FRMPD2: variants seen among roughly 807,000 people sequenced by gnomAD.
FRMPD2 encodes the protein FERM and PDZ domain containing 2, also known as FERM and PDZ domain-containing protein 2.
Under a neutral mutation model 140.1 loss-of-function variants are expected in FRMPD2, and 96 were observed. The observed-to-expected ratio is 0.69, with a 90% CI of 0.58 to 0.81. FRMPD2 has a LOEUF of 0.81. FRMPD2 is among the 40% of genes least tolerant of loss of function. FRMPD2 has a pLI of 0.00. For missense variants in FRMPD2, 1,240 were observed against 1,447.4 expected, an observed-to-expected ratio of 0.86 and a Z score of 2.32; for synonymous variants, 449 against 547.6, an observed-to-expected ratio of 0.82 and a Z score of 2.52.
chr10:48,208,732 C>T (rs1564425764), intron 13 of FRMPD2, among the ~76,000 whole-genome samples: 2 of 152,122 alleles, frequency 1.3e-5, no homozygotes, highest in African/African-American at 4.8e-5. Context: ...CTCCTGGCCC[C>T]CTTTGCATTG....
intron 14 of FRMPD2, among the ~76,000 whole-genome samples, chr10:48,203,864 C>T (rs116738749): frequency 1.3e-5 from 2 of 152,308 alleles, no homozygotes; most frequent in Non-Finnish European, 2.9e-5. Flanking sequence ...CTCAGACACA[C>T]CCTCCTTGCC....
At position 48,213,643 on chromosome 10, in the gene FRMPD2, T is replaced by TA. The variant is rs562654154; in HGVS notation, c.1456-1535dup. Among the ~76,000 whole-genome samples the TA allele has an allele frequency of 4.2e-3, 625 of 148,568 alleles. 1 individual carries two copies. Among genetic ancestry groups the TA allele is most frequent in the African/African-American group, 9.9e-3 (404 of 40,648 alleles). ...CAGACAATGAAATATTGTCCAGTGC[T>TA]AAAAAAAAAATGAGCTGTCAAGCCT... is the stretch of plus-strand genomic sequence containing the variant. On this transcript the variant is annotated intron_variant, in intron 12 of 28. Coordinates refer to ENST00000374201, the MANE Select transcript of FRMPD2 (RefSeq NM_001018071.4).
intron 1 of FRMPD2, among the ~76,000 whole-genome samples, chr10:48,256,848 T>C (rs984384513): frequency 6.6e-6 from 1 of 152,212 alleles, no homozygotes; most frequent in Admixed American, 6.5e-5. Flanking sequence ...CTCCCTCTCA[T>C]GGTCCCTGAA....
Position 48,206,733 on chromosome 10 carries a change from C to A in FRMPD2, c.1797+15G>T. 3 of 1,605,586 alleles carry A rather than the reference C, an allele frequency of 1.9e-6. No homozygotes were observed. Among genetic ancestry groups the A allele is most frequent in the Non-Finnish European group, 2.6e-6 (3 of 1,172,856 alleles). On this transcript the variant is annotated intron_variant, in intron 14 of 28. Transcript: ENST00000374201. Reference sequence around the variant, plus strand: ...AAATGAAGTGCAGGTTATTTATCAACTGAGCTACACTCACATAAGTAGAAA... The same window carrying A: ...AAATGAAGTGCAGGTTATTTATCAAATGAGCTACACTCACATAAGTAGAAA...
Position 48,159,633 on chromosome 10 carries a change from G to A in FRMPD2, c.3882-2263C>T, listed in dbSNP as rs2132382695. ...TCCAGGCAGTGCCCTTCCCCAGAAG[G>A]TATATCATAACTTTAGGTTCATTTC... is the stretch of plus-strand genomic sequence containing the variant. On this transcript the variant is annotated intron_variant, in intron 28 of 28. Coordinates refer to ENST00000374201, the MANE Select transcript of FRMPD2 (RefSeq NM_001018071.4). 1.3e-5 allele frequency among the ~76,000 whole-genome samples: 2 copies of A among 151,900 alleles called. 1 individual carries two copies. Among genetic ancestry groups the A allele is most frequent in the East Asian group, 3.9e-4 (2 of 5,160 alleles).
At chr10:48,234,064 C>T (rs1839912575) in intron 9 of FRMPD2, among the ~76,000 whole-genome samples, 1 of 152,202 alleles carries the variant, frequency 6.6e-6, no homozygotes, top group South Asian at 2.1e-4. Context: ...GGTGTAACCC[C>T]TTGGGGGACC....
At position 48,165,017 on chromosome 10, in the gene FRMPD2, C is replaced by T. The variant is rs1332233373; in HGVS notation, c.3538-1346G>A. Reference sequence around the variant, plus strand: ...TCCTTGCCCCTCTCTTCCTCCATCACGTGTCACTTGCAGATTCTGAGTTTC... The same window carrying T: ...TCCTTGCCCCTCTCTTCCTCCATCATGTGTCACTTGCAGATTCTGAGTTTC... On this transcript the variant is annotated intron_variant, in intron 27 of 28. Transcript: ENST00000374201. Among the ~76,000 whole-genome samples the T allele has an allele frequency of 1.0e-4, 11 of 106,822 alleles. No individual in the cohort carries two copies. The East Asian group carries it at 1.4e-3, about 13-fold the overall frequency. The allele number at this position is 106,822 out of a possible 152,430, so 70.1% of individuals were successfully genotyped here. A position where few individuals can be genotyped will look rare whatever the true frequency, so the allele number is the denominator to read the frequency against.
intron 14 of FRMPD2, among the ~76,000 whole-genome samples, chr10:48,206,052 ACACAGGTACTGACTAAAACAAC>A (rs1448227074): frequency 1.6e-4 from 24 of 152,198 alleles, no homozygotes; most frequent in African/African-American, 5.6e-4. Flanking sequence ...CACTGAAGTG[ACACAGGTACTGACTAAAACAAC>A]CACAGGACAG....
intron 1 of FRMPD2, among the ~76,000 whole-genome samples, chr10:48,267,951 T>C (rs1004559493): frequency 6.6e-6 from 1 of 152,200 alleles, no homozygotes; most frequent in African/African-American, 2.4e-5. Context: ...AACAAATCCA[T>C]AGAGGCAGAA....
chr10:48,196,123 C>T (rs1838943332), intron 15 of FRMPD2, among the ~76,000 whole-genome samples: 1 of 152,030 alleles, frequency 6.6e-6, no homozygotes, highest in African/African-American at 2.4e-5. Context: ...ATGCTGGGCA[C>T]AAAAGCCCTG....
intron 10 of FRMPD2, among the ~76,000 whole-genome samples, chr10:48,229,126 T>C (rs953773831): frequency 1.3e-5 from 2 of 152,128 alleles, no homozygotes; most frequent in African/African-American, 4.8e-5. Flanking sequence ...TATTAATATG[T>C]TTTTCCTTAA....
intron 10 of FRMPD2, among the ~76,000 whole-genome samples, chr10:48,228,367 TAC>T (rs1290509953): frequency 6.6e-6 from 1 of 151,842 alleles, no homozygotes; most frequent in African/African-American, 2.4e-5. Flanking sequence ...CTTAAAACAT[TAC>T]AGTTATAGTA....
intron 1 of FRMPD2, among the ~76,000 whole-genome samples, chr10:48,257,086 G>T (rs888064408): frequency 6.6e-5 from 10 of 151,688 alleles, no homozygotes; most frequent in Non-Finnish European, 2.9e-5. Flanking sequence ...TCCAGCTTCT[G>T]CCATCTGCCC....
chr10:48,187,379 C>A, intron 16 of FRMPD2, 87 bp from the exon 17 acceptor site: 1 of 1,091,362 alleles, frequency 9.2e-7, no homozygotes, highest in Non-Finnish European at 1.4e-6. Context: ...GAGGCAACTT[C>A]TTGGCATTTC....
intron 10 of FRMPD2, among the ~76,000 whole-genome samples, chr10:48,224,372 C>T (rs1397795885): frequency 1.3e-5 from 2 of 152,234 alleles, no homozygotes; most frequent in African/African-American, 2.4e-5. Flanking sequence ...CTTGCCTGGG[C>T]ACAGGAGTCC....
At chr10:48,262,414 T>C (rs1268481110) in intron 1 of FRMPD2, among the ~76,000 whole-genome samples, 2 of 152,224 alleles carry the variant, frequency 1.3e-5, no homozygotes, top group Non-Finnish European at 2.9e-5. Context: ...TATTACATAA[T>C]GATAGAGGTC....
chr10:48,196,729 G>A (rs1838962120), intron 15 of FRMPD2, among the ~76,000 whole-genome samples: 2 of 152,228 alleles, frequency 1.3e-5, no homozygotes, highest in Admixed American at 6.5e-5. Context: ...AATCTGCAGA[G>A]AGAGTTTCTA....
chr10:48,211,300 C>G (rs1839318412), intron 13 of FRMPD2, among the ~76,000 whole-genome samples: 1 of 152,208 alleles, frequency 6.6e-6, no homozygotes, highest in Admixed American at 6.5e-5. Context: ...ACGGTGGGCC[C>G]AAGCTGCACT....
At chr10:48,186,931 C>T (rs1479774142) in intron 17 of FRMPD2, among the ~76,000 whole-genome samples, 1 of 150,386 alleles carries the variant, frequency 6.6e-6, no homozygotes, top group African/African-American at 2.4e-5. Flanking sequence ...CTGAACACAC[C>T]CTCCATAGCA....
Sources: allele counts gnomAD v4.1 joint callset (sites outside exome capture counted in the v4.1 genomes callset), GRCh38; gene constraint gnomAD v4.1.1; transcripts MANE v1.5; gene names NCBI Gene and HGNC (gene_info 2026-07-23, HGNC 2026-07-21).